Variants in IQGAP2 observed in about 807,000 individuals in gnomAD.
IQGAP2 encodes IQ motif containing GTPase activating protein 2, also known as ras GTPase-activating-like protein IQGAP2.
In IQGAP2, 173 loss-of-function variants were observed where a neutral mutation model predicts 201.3. The observed-to-expected ratio is 0.86, with a 90% CI of 0.76 to 0.98. IQGAP2 has a LOEUF of 0.98. Among genes scored for constraint, IQGAP2 ranks in the 50% least tolerant of loss-of-function variants. The probability of loss-of-function intolerance (pLI) is 0.00; values close to 1 mark genes in which losing one functional copy is unlikely to be tolerated. For synonymous variants in IQGAP2, 675 were observed against 673.9 expected, an observed-to-expected ratio of 1.00 and a Z score of -0.03; for missense variants, 1,687 against 1,864.8, an observed-to-expected ratio of 0.90 and a Z score of 1.76.
intron 2 of IQGAP2, among the ~76,000 whole-genome samples, chr5:76,508,631 C>A (rs1382390410): frequency 6.6e-6 from 1 of 151,260 alleles, no homozygotes; most frequent in Non-Finnish European, 1.5e-5. Context: ...TTGCTTGAGC[C>A]CAGGTGTTTG....
chr5:76,642,356 G>T (rs1751653704), intron 17 of IQGAP2, among the ~76,000 whole-genome samples: 1 of 152,126 alleles, frequency 6.6e-6, no homozygotes, highest in Admixed American at 6.6e-5. Context: ...GAGAGAAATG[G>T]GGTAAGGACA....
At chr5:76,674,451 G>A in intron 26 of IQGAP2, 26 bp from the exon 27 acceptor site, 1 of 1,359,848 alleles carries the variant, frequency 7.4e-7, no homozygotes, top group Non-Finnish European at 1.0e-6. Context: ...TCTTAAAAAT[G>A]GTCATGCACT....
rs1281450111 is a variant in IQGAP2 at position 76,658,674 on chromosome 5, G to A, written c.2529+7G>A. 1.2e-6 allele frequency: 2 copies of A among 1,612,546 alleles called. No homozygotes were observed. Among genetic ancestry groups the A allele is most frequent in the African/African-American group, 1.3e-5 (1 of 74,974 alleles). On this transcript the variant is annotated splice_region_variant and intron_variant, in intron 21 of 35. Transcript: ENST00000274364. ...GAACAGGATCACACTAGAGGTCAGT[G>A]GGGTTTTTGGGACTGTCAGCTCCCA... is the stretch of plus-strand genomic sequence containing the variant.
chr5:76,676,031 T>C (rs1016410912), intron 27 of IQGAP2, among the ~76,000 whole-genome samples: 18 of 151,586 alleles, frequency 1.2e-4, no homozygotes, highest in South Asian at 8.4e-4. Flanking sequence ...CAGTGAGCCG[T>C]GTTTGTGCCA....
intron 2 of IQGAP2, among the ~76,000 whole-genome samples, chr5:76,487,983 G>T (rs1756270495): frequency 6.6e-6 from 1 of 152,228 alleles, no homozygotes; most frequent in Admixed American, 6.5e-5. Flanking sequence ...GACTGGAGTT[G>T]TAGGACATGG....
intron 21 of IQGAP2, chr5:76,660,387 A>G (rs1282903270): frequency 6.6e-6 from 1 of 152,230 alleles, no homozygotes; most frequent in African/African-American, 2.4e-5. Context: ...TTAAAAAACA[A>G]TGTTATTTGT....
chr5:76,412,431 G>T (rs534914042), intron 1 of IQGAP2, among the ~76,000 whole-genome samples: 86 of 152,242 alleles, frequency 5.6e-4, no homozygotes, highest in African/African-American at 1.9e-3. Context: ...CTCCTGTGTA[G>T]CTGGGACTAC....
intron 2 of IQGAP2, among the ~76,000 whole-genome samples, chr5:76,477,362 T>C (rs531875220): frequency 1.3e-5 from 2 of 152,186 alleles, no homozygotes; most frequent in East Asian, 3.9e-4. Context: ...AAATAAAACA[T>C]TACAGCCGCA....
intron 19 of IQGAP2, 111 bp downstream of exon 19, chr5:76,654,382 A>G: frequency 1.5e-6 from 1 of 665,336 alleles, no homozygotes; most frequent in East Asian, 2.8e-5. Context: ...TGAACACTTA[A>G]GAAATAATGG....
Position 76,654,262 on chromosome 5 carries a change from C to T in IQGAP2, c.2241C>T (p.Phe747=), listed in dbSNP as rs1261359265. 1 of 1,605,232 alleles carries T rather than the reference C, an allele frequency of 6.2e-7. No individual in the cohort carries two copies. Among genetic ancestry groups the T allele is most frequent in the East Asian group, 2.2e-5 (1 of 44,640 alleles). The part of the protein sequence containing the change: ...RKSYLSRLQY[F]RDHNNEIVKI... ...GCTATCTTTCAAGACTACAGTATTT[C>T]AGAGATCATGTAAGAAAAATGCCTG... is the stretch of plus-strand genomic sequence containing the variant. Residue 747 remains phenylalanine, a synonymous_variant, in exon 19 of 36, where the codon TTC becomes TTT. Coordinates refer to ENST00000274364, the MANE Select transcript of IQGAP2 (RefSeq NM_006633.5).
intron 32 of IQGAP2, among the ~76,000 whole-genome samples, 169 bp downstream of exon 32, chr5:76,695,835 C>CTTTTTTTTTTTT (rs56984768): frequency 3.6e-5 from 3 of 83,092 alleles, no homozygotes; most frequent in East Asian, 3.4e-4. Flanking sequence ...CAGTTGATGA[C>CTTTTTTTTTTTT]TTTTTTTTTT....
In IQGAP2 at chr5:76,627,512, C is replaced by T. The variant is rs1404432700; in HGVS notation, c.1612+12C>T. ...CAGAGCAAAACAATGTAAGCCCTCA[C>T]CTCCTTTGCTCTTGAAACTTGCCTT... On this transcript the variant is annotated intron_variant, in intron 14 of 35. Coordinates refer to ENST00000274364, the MANE Select transcript of IQGAP2 (RefSeq NM_006633.5). 2 of 1,408,384 alleles carry T rather than the reference C, an allele frequency of 1.4e-6. No homozygotes were observed. Among genetic ancestry groups the T allele is most frequent in the Non-Finnish European group, 2.0e-6 (2 of 996,722 alleles). The allele number at this position is 1,408,384 out of a possible 1,614,324, so 87.2% of individuals were successfully genotyped here.
chr5:76,501,085 A>G (rs1757248673), intron 2 of IQGAP2, among the ~76,000 whole-genome samples: 2 of 150,986 alleles, frequency 1.3e-5, no homozygotes, highest in South Asian at 4.1e-4. Flanking sequence ...TGATGACGTT[A>G]TGGGAACTTG....
intron 5 of IQGAP2, among the ~76,000 whole-genome samples, chr5:76,582,270 A>T (rs543379881): frequency 6.6e-6 from 1 of 152,372 alleles, no homozygotes; most frequent in South Asian, 2.1e-4. Flanking sequence ...CTGGTATCAG[A>T]CTTGAACTTC....
chr5:76,637,037 C>G lies in IQGAP2; in HGVS notation c.1784C>G (p.Ser595Cys), dbSNP rs778270885. The G allele has an allele frequency of 7.7e-5, 124 of 1,603,140 alleles. No homozygotes were observed. Among genetic ancestry groups the G allele is most frequent in the Non-Finnish European group, 1.0e-4 (121 of 1,175,034 alleles). ...KAKELKSERV[S>C]SDGSWLKLNL... Reference sequence around the variant, plus strand: ...TTTAACAAACTTTTTTCTTTAGTGTCTAGTGACGGTTCATGGCTCAAACTC... The same window carrying G: ...TTTAACAAACTTTTTTCTTTAGTGTGTAGTGACGGTTCATGGCTCAAACTC... Residue 595 changes from serine (S) to cysteine (C), a missense_variant, in exon 16 of 36, where the codon TCT becomes TGT. Ser to Cys is a moderately radical substitution (Grantham distance 112). Transcript: ENST00000274364.
chr5:76,584,329 CTT>C (rs780157139), intron 5 of IQGAP2, among the ~76,000 whole-genome samples: 3 of 152,258 alleles, frequency 2.0e-5, no homozygotes, highest in Admixed American at 1.3e-4. Context: ...ACAGTAATAA[CTT>C]TTAAAAAATA....
At chr5:76,681,241 TGG>T (rs1745267263) in intron 28 of IQGAP2, among the ~76,000 whole-genome samples, 1 of 151,982 alleles carries the variant, frequency 6.6e-6, no homozygotes, top group Non-Finnish European at 1.5e-5. Context: ...ATTTAAATAT[TGG>T]ACAATTACAC....
At chr5:76,571,389 G>A (rs532576932) in intron 4 of IQGAP2, among the ~76,000 whole-genome samples, 12 of 151,824 alleles carry the variant, frequency 7.9e-5, no homozygotes, top group African/African-American at 2.4e-4. Context: ...TTGCCTCGTC[G>A]GCCAGGCTGG....
intron 5 of IQGAP2, among the ~76,000 whole-genome samples, chr5:76,583,860 G>A (rs1036550915): frequency 4.7e-5 from 7 of 148,672 alleles, no homozygotes; most frequent in Admixed American, 4.2e-4. Flanking sequence ...TTTAGGGATA[G>A]CATGGTAGAG....
Sources: allele counts gnomAD v4.1 joint callset (sites outside exome capture counted in the v4.1 genomes callset), GRCh38; gene constraint gnomAD v4.1.1; transcripts MANE v1.5; gene names NCBI Gene and HGNC (gene_info 2026-07-23, HGNC 2026-07-21).